CDH13: variants seen among roughly 807,000 people sequenced by gnomAD.
CDH13 encodes cadherin 13, also known as cadherin-13.
Under a neutral mutation model 63.8 loss-of-function variants are expected in CDH13, and 24 were observed. That is an observed-to-expected ratio of 0.38 (90% CI 0.27 to 0.53). The LOEUF is 0.53. CDH13 is among the 20% of genes least tolerant of loss of function. The pLI, the probability that CDH13 is intolerant of heterozygous loss-of-function variation, is 0.85. For synonymous variants in CDH13, 503 were observed against 355.3 expected, an observed-to-expected ratio of 1.42 and a Z score of -4.67; for missense variants, 1,049 against 903.1, an observed-to-expected ratio of 1.16 and a Z score of -2.07.
intron 1 of CDH13, among the ~76,000 whole-genome samples, chr16:82,757,307 G>C (rs2034648242): frequency 6.6e-6 from 1 of 152,122 alleles, no homozygotes; most frequent in South Asian, 2.1e-4. Context: ...ATCTTCATTT[G>C]CATCTGAACA....
At chr16:82,822,340 C>T (rs781658054) in intron 1 of CDH13, among the ~76,000 whole-genome samples, 5 of 151,962 alleles carry the variant, frequency 3.3e-5, no homozygotes, top group African/African-American at 7.3e-5. Flanking sequence ...GGATAATGTT[C>T]GGATATATTT....
intron 5 of CDH13, among the ~76,000 whole-genome samples, chr16:83,278,568 A>T (rs2089064618): frequency 6.6e-6 from 1 of 152,226 alleles, no homozygotes; most frequent in African/African-American, 2.4e-5. Flanking sequence ...GAAGGGAAAC[A>T]TACAACAGGC....
chr16:83,427,083 C>T (rs1422846138), intron 6 of CDH13, among the ~76,000 whole-genome samples: 3 of 151,610 alleles, frequency 2.0e-5, no homozygotes, highest in East Asian at 2.0e-4. Flanking sequence ...CCCGCCACCC[C>T]GCCTGGCTAA....
rs907955244 is a variant in CDH13 at position 83,796,408 on chromosome 16, C to T, written c.*1378C>T. 2 of 152,192 alleles carry T rather than the reference C, an allele frequency of 1.3e-5. No individual in the cohort carries two copies. The highest frequency in any genetic ancestry group is 2.9e-5 in the Non-Finnish European group (2 of 68,034). The allele number at this position is 152,192 out of a possible 1,614,324, so 9.4% of individuals were successfully genotyped here. Reference sequence around the variant, plus strand: ...ACACACACACGCTTTCTTATGCAATCTATGTTTGCACTTGTGCTTTCAGTT... The same window carrying T: ...ACACACACACGCTTTCTTATGCAATTTATGTTTGCACTTGTGCTTTCAGTT... On this transcript the variant is annotated 3_prime_UTR_variant, in exon 14 of 14. Transcript: ENST00000567109.
intron 6 of CDH13, among the ~76,000 whole-genome samples, chr16:83,391,123 G>A (rs1470737547): frequency 6.6e-6 from 1 of 152,172 alleles, no homozygotes; most frequent in Non-Finnish European, 1.5e-5. Context: ...CTGCTGCCCA[G>A]GGGGTCCTGA....
At chr16:83,475,871 C>T (rs1431940431) in intron 6 of CDH13, among the ~76,000 whole-genome samples, 1 of 152,210 alleles carries the variant, frequency 6.6e-6, no homozygotes, top group Non-Finnish European at 1.5e-5. Flanking sequence ...AGGCATGAGC[C>T]ACCATGCCTG....
At chr16:82,931,670 T>C (rs966129726) in intron 2 of CDH13, among the ~76,000 whole-genome samples, 1 of 152,048 alleles carries the variant, frequency 6.6e-6, no homozygotes, top group African/African-American at 2.4e-5. Context: ...GGCCTCACAA[T>C]CATGGCAGAA....
At chr16:82,766,278 T>C (rs927025137) in intron 1 of CDH13, among the ~76,000 whole-genome samples, 1 of 152,208 alleles carries the variant, frequency 6.6e-6, no homozygotes, top group African/African-American at 2.4e-5. Context: ...TGAGAATAAT[T>C]TGCAAAACCC....
chr16:83,187,236 C>G lies in CDH13; in HGVS notation c.484-30109C>G, dbSNP rs536355670. 6.6e-5 allele frequency among the ~76,000 whole-genome samples: 10 copies of G among 152,278 alleles called. No individual in the cohort carries two copies. The South Asian group carries it at 1.9e-3, about 28-fold the overall frequency. On this transcript the variant is annotated intron_variant, in intron 4 of 13. Coordinates refer to ENST00000567109, the MANE Select transcript of CDH13 (RefSeq NM_001257.5). Reference sequence around the variant, plus strand: ...TCCACCCACCTCGGCTTCCCAGAGTCTGGAATTACAGGCGTAAGCCACCAC... The same window carrying G: ...TCCACCCACCTCGGCTTCCCAGAGTGTGGAATTACAGGCGTAAGCCACCAC...
intron 8 of CDH13, among the ~76,000 whole-genome samples, 160 bp from the exon 9 acceptor site, chr16:83,670,630 A>G (rs1174146844): frequency 6.6e-6 from 1 of 152,232 alleles, no homozygotes; most frequent in Non-Finnish European, 1.5e-5. Flanking sequence ...AAGTTCAAGG[A>G]AAGCTGAGAA....
intron 10 of CDH13, among the ~76,000 whole-genome samples, chr16:83,695,329 G>A (rs1301697770): frequency 3.3e-5 from 5 of 152,264 alleles, no homozygotes; most frequent in African/African-American, 1.2e-4. Context: ...TGGCGCTGCT[G>A]TGCGCAAGCT....
At chr16:83,625,613 G>A (rs1028207315) in intron 8 of CDH13, among the ~76,000 whole-genome samples, 2 of 152,180 alleles carry the variant, frequency 1.3e-5, no homozygotes, top group Non-Finnish European at 2.9e-5. Flanking sequence ...CATTTGTGCC[G>A]CTCTTTTTCC....
At chr16:82,958,009 A>G (rs1205073842) in intron 2 of CDH13, among the ~76,000 whole-genome samples, 4 of 152,168 alleles carry the variant, frequency 2.6e-5, no homozygotes, top group Non-Finnish European at 4.4e-5. Context: ...AGGTATCCAC[A>G]CTTGTCTGAG....
Position 82,980,010 on chromosome 16 carries a change from G to A in CDH13, c.158-52000G>A, listed in dbSNP as rs141865938. On this transcript the variant is annotated intron_variant, in intron 2 of 13. Transcript: ENST00000567109. ...ATCATTAATGGAATATTTTATAAAG[G>A]GGCAGTTTATAAATGCATAGTTGAA... 4.4e-3 allele frequency among the ~76,000 whole-genome samples: 674 copies of A among 152,146 alleles called. 6 individuals are homozygous for A. The highest frequency in any genetic ancestry group is 0.016 in the African/African-American group (644 of 41,482).
intron 3 of CDH13, among the ~76,000 whole-genome samples, chr16:83,117,283 C>T (rs776899786): frequency 5.9e-5 from 9 of 152,190 alleles, no homozygotes; most frequent in Non-Finnish European, 1.3e-4. Context: ...CCTCACAGCG[C>T]TCACCTTGCC....
intron 1 of CDH13, among the ~76,000 whole-genome samples, chr16:82,708,630 T>A (rs1237324066): frequency 2.6e-5 from 4 of 152,172 alleles, no homozygotes; most frequent in African/African-American, 4.8e-5. Flanking sequence ...GATTCTAATT[T>A]ATCTAAAGGG....
At chr16:83,364,587 T>A (rs1434113298) in intron 6 of CDH13, among the ~76,000 whole-genome samples, 1 of 152,214 alleles carries the variant, frequency 6.6e-6, no homozygotes, top group Non-Finnish European at 1.5e-5. Context: ...TCATAGGTTT[T>A]TACCATTGGC....
chr16:82,966,939 A>G (rs1194229317), intron 2 of CDH13, among the ~76,000 whole-genome samples: 1 of 152,162 alleles, frequency 6.6e-6, no homozygotes, highest in Non-Finnish European at 1.5e-5. Context: ...CAATTACCGC[A>G]CTAATGTTTT....
At chr16:82,766,014 A>G (rs910657640) in intron 1 of CDH13, among the ~76,000 whole-genome samples, 3 of 152,210 alleles carry the variant, frequency 2.0e-5, no homozygotes, top group African/African-American at 7.2e-5. Flanking sequence ...AGAAATCTAC[A>G]GCAACTCTTT....
Sources: gnomAD v4.1 joint callset for allele counts (sites outside exome capture counted in the v4.1 genomes callset) on GRCh38, gnomAD v4.1.1 for gene constraint, MANE v1.5 for transcripts, NCBI Gene and HGNC (gene_info 2026-07-23, HGNC 2026-07-21) for gene names.